SLC22A2: variants seen among roughly 807,000 people sequenced by gnomAD.
SLC22A2 encodes solute carrier family 22 member 2, also known as organic cation transporter 2.
In SLC22A2, 46 loss-of-function variants were observed where a neutral mutation model predicts 60.5. The ratio of observed to expected loss-of-function variants is 0.76; its 90% CI spans 0.60 to 0.97. The LOEUF is 0.97. Ranked by LOEUF, SLC22A2 falls within the 50% of genes least tolerant of loss-of-function variation. The pLI is 0.00. For synonymous variants in SLC22A2, 303 were observed against 267.0 expected (o/e 1.13, Z -1.31); for missense variants, 701 against 706.6 (o/e 0.99, Z 0.09).
At chr6:160,247,401 A>C in intron 4 of SLC22A2, 103 bp from the exon 5 acceptor site, 1 of 677,632 alleles carries the variant, frequency 1.5e-6, no homozygotes, top group South Asian at 1.7e-5. Context: ...ATACAGTTGG[A>C]TCTCCAAAGA....
chr6:160,227,414 C>A (rs1214724607), intron 9 of SLC22A2, among the ~76,000 whole-genome samples: 1 of 152,216 alleles, frequency 6.6e-6, no homozygotes, highest in Non-Finnish European at 1.5e-5. Flanking sequence ...CTGGAAGCCC[C>A]TGCTTTGTGT....
At chr6:160,250,442 AT>A in intron 3 of SLC22A2, 105 bp downstream of exon 3, 1 of 1,015,578 alleles carries the variant, frequency 9.8e-7, no homozygotes, top group Non-Finnish European at 1.6e-6. Flanking sequence ...ATCTCTCAAT[AT>A]TGTCTTGAAG....
chr6:160,218,917 A>C (rs1274995575), intron 10 of SLC22A2, among the ~76,000 whole-genome samples: 1 of 152,078 alleles, frequency 6.6e-6, no homozygotes, highest in Middle Eastern at 3.2e-3. Context: ...CAATAACAGC[A>C]GCAGCAGCAA....
At position 160,249,354 on chromosome 6, in the gene SLC22A2, C is replaced by T; in HGVS notation, c.704G>A (p.Arg235Lys). ...AACTTGGTAAAAAATCCCCACTGTT[C>T]TCCGATATCTCCGCCCAACAAATTC... The part of the protein sequence containing the change: ...ITEFVGRRYR[R>K]TVGIFYQVAY... The change falls in exon 4 of 11, where the codon AGA becomes AAA. Residue 235 changes from arginine (R) to lysine (K), a missense_variant. Arg to Lys is a conservative substitution (Grantham distance 26). Transcript: ENST00000366953. 6.2e-7 allele frequency: 1 copy of T among 1,613,608 alleles called. No individual in the cohort carries two copies. The highest frequency in any genetic ancestry group is 1.1e-5 in the South Asian group (1 of 90,958).
chr6:160,255,761 C>A (rs1375952694), intron 2 of SLC22A2, among the ~76,000 whole-genome samples: 1 of 152,126 alleles, frequency 6.6e-6, no homozygotes, highest in African/African-American at 2.4e-5. Flanking sequence ...AAATAATTAG[C>A]CCTGACGGCC....
Position 160,243,691 on chromosome 6 carries a change from T to A in SLC22A2, c.1160A>T (p.Glu387Val). The A allele has an allele frequency of 6.2e-7, 1 of 1,614,012 alleles. No homozygotes were observed. Among genetic ancestry groups the A allele is most frequent in the African/African-American group, 1.3e-5 (1 of 75,022 alleles). Reference sequence around the variant, plus strand: ...GATGATCATGAAGGCAGCTGGGAATTCAACCAGGGCAGAGTAGAAGAAATC... The same window carrying A: ...GATGATCATGAAGGCAGCTGGGAATACAACCAGGGCAGAGTAGAAGAAATC... ...YLDFFYSALV[E>V]FPAAFMIILT... is the part of the protein sequence containing the mutation. Residue 387 changes from glutamate to valine, a missense_variant, in exon 7 of 11, where the codon GAA (glutamate) becomes GTA (valine). By Grantham distance (121) the Glu-to-Val change is moderately radical (BLOSUM62 -2). Coordinates refer to ENST00000366953, the MANE Select transcript of SLC22A2 (RefSeq NM_003058.4).
chr6:160,245,591 T>C, intron 5 of SLC22A2, 46 bp from the exon 6 acceptor site: 1 of 1,218,432 alleles, frequency 8.2e-7, no homozygotes, highest in Non-Finnish European at 1.2e-6. Context: ...TTAATGCTAG[T>C]GTCCCTGGGT....
rs777224649 is a variant in SLC22A2, at chr6:160,247,239, C to T, written c.902G>A (p.Arg301Lys). The change falls in exon 5 of 11, where the codon AGA becomes AAA. Residue 301 changes from arginine (R) to lysine (K), a missense_variant. Coordinates refer to ENST00000366953, the MANE Select transcript of SLC22A2 (RefSeq NM_003058.4). ...TTTCTTTGCGATGTGCTTAATGATT[C>T]TCATGGCTTCAGCATTCTTATTCTG... ...ISQNKNAEAM[R>K]IIKHIAKKNG... 3.1e-6 allele frequency: 5 copies of T among 1,613,854 alleles called. No homozygotes were observed. In the South Asian group the frequency reaches 5.5e-5, roughly 18 times the overall value.
At chr6:160,227,783 A>G (rs1383669291) in intron 9 of SLC22A2, among the ~76,000 whole-genome samples, 1 of 152,194 alleles carries the variant, frequency 6.6e-6, no homozygotes, top group Non-Finnish European at 1.5e-5. Flanking sequence ...ATGAGATAGG[A>G]GGTCAGCACA....
rs1170259276 is a variant in SLC22A2 at position 160,230,252 on chromosome 6, A to C, written c.1502-5448T>G. Among the ~76,000 whole-genome samples, 8 of 151,998 alleles carry C rather than the reference A, an allele frequency of 5.3e-5. 1 individual carries two copies. In the South Asian group the frequency reaches 1.7e-3, roughly 31 times the overall value. ...GGTCTGGTTTACAGTTTCGTTCCAC[A>C]ACTAGCCCTCCCCCACCTGCCCAGC... On this transcript the variant is annotated intron_variant, in intron 9 of 10. Transcript: ENST00000366953.
rs756083599 is a variant in SLC22A2 at position 160,243,733 on chromosome 6, C to T, written c.1118G>A (p.Gly373Asp). The T allele has an allele frequency of 1.7e-5, 28 of 1,613,910 alleles. No homozygotes were observed. Among genetic ancestry groups the T allele is most frequent in the Non-Finnish European group, 2.3e-5 (27 of 1,179,966 alleles). Residue 373 changes from glycine to aspartate, a missense_variant, in exon 7 of 11, where the codon GGT (glycine) becomes GAT (aspartate). By Grantham distance (94) the Gly-to-Asp change is moderately conservative. Coordinates refer to ENST00000366953, the MANE Select transcript of SLC22A2 (RefSeq NM_003058.4). ...GAAGAAATCCAGGTAGATATTGTCA[C>T]CTGCAAGGCCCATGTGCATGATGAG... ...QGLIMHMGLA[G>D]DNIYLDFFYS...
chr6:160,258,576 A>G lies in SLC22A2; in HGVS notation c.182T>C (p.Leu61Pro). Residue 61 changes from leucine to proline, a missense_variant, in exon 1 of 11, where the codon CTG becomes CCG. Transcript: ENST00000366953. ...CRSPGVAELSLRCGWSPAEEL... is the reference protein window; with the variant it reads ...CRSPGVAELSPRCGWSPAEEL... ...CTCTGCAGGACTCCAGCCGCAGCGC[A>G]GACTCAGCTCGGCCACTCCGGGGCT... 6.2e-7 allele frequency: 1 copy of G among 1,613,904 alleles called. No individual in the cohort carries two copies. Among genetic ancestry groups the G allele is most frequent in the Non-Finnish European group, 8.5e-7 (1 of 1,179,894 alleles).
intron 2 of SLC22A2, among the ~76,000 whole-genome samples, chr6:160,252,330 A>G (rs1355072026): frequency 6.6e-6 from 1 of 152,254 alleles, no homozygotes; most frequent in Non-Finnish European, 1.5e-5. Context: ...GTAGTGCCCC[A>G]TGTAGATGGA....
At chr6:160,225,633 A>T (rs1300355957) in intron 9 of SLC22A2, among the ~76,000 whole-genome samples, 1 of 152,240 alleles carries the variant, frequency 6.6e-6, no homozygotes, top group Non-Finnish European at 1.5e-5. Context: ...TGCTCCAGAC[A>T]TTCCTATATA....
intron 2 of SLC22A2, among the ~76,000 whole-genome samples, chr6:160,251,835 A>G (rs1438657298): frequency 6.6e-6 from 1 of 152,226 alleles, no homozygotes; most frequent in African/African-American, 2.4e-5. Flanking sequence ...AATAATCCAC[A>G]TTATTAATAA....
In SLC22A2 at chr6:160,250,548, T is replaced by C; in HGVS notation, c.673A>G (p.Ile225Val). ...CAGTTGCAAGCACAAACATTCTTAC[T>C]CAGGATGTAGCCTATTAACCAGCCT... is the stretch of plus-strand genomic sequence containing the variant. ...KAGWLIGYIL[I>V]TEFVGRRYRR... The change falls in exon 3 of 11, where the codon ATT (isoleucine) becomes GTT (valine). Residue 225 changes from isoleucine (I) to valine (V), a missense_variant and splice_region_variant. Physicochemically the swap from Ile to Val is conservative, Grantham distance 29. Coordinates refer to ENST00000366953, the MANE Select transcript of SLC22A2 (RefSeq NM_003058.4). 1 of 1,614,014 alleles carries C rather than the reference T, an allele frequency of 6.2e-7. No individual in the cohort carries two copies. The highest frequency in any genetic ancestry group is 8.5e-7 in the Non-Finnish European group (1 of 1,179,910).
At chr6:160,250,433 T>A in intron 3 of SLC22A2, 115 bp downstream of exon 3, 1 of 926,392 alleles carries the variant, frequency 1.1e-6, no homozygotes. Flanking sequence ...AATAAAAAAA[T>A]CTCTCAATAT....
At position 160,258,694 on chromosome 6, in the gene SLC22A2, T is replaced by C; in HGVS notation, c.64A>G (p.Met22Val). 1 of 1,604,906 alleles carries C rather than the reference T, an allele frequency of 6.2e-7. No individual in the cohort carries two copies. The highest frequency in any genetic ancestry group is 8.5e-7 in the Non-Finnish European group (1 of 1,175,066). The change falls in exon 1 of 11, where the codon ATG becomes GTG. Residue 22 changes from methionine to valine, a missense_variant. Coordinates refer to ENST00000366953, the MANE Select transcript of SLC22A2 (RefSeq NM_003058.4). ...GAGAGCAGAGCCAAGAGGAAAAACATTTGCTTCTGGAAAAAGTGAAACTCC... is the reference window on the plus strand; with the variant it reads ...GAGAGCAGAGCCAAGAGGAAAAACACTTGCTTCTGGAAAAAGTGAAACTCC... ...GGEFHFFQKQ[M>V]FFLLALLSAT...
At chr6:160,244,446 G>A (rs1783060016) in intron 6 of SLC22A2, 1 of 152,094 alleles carries the variant, frequency 6.6e-6, no homozygotes, top group Non-Finnish European at 1.5e-5. Flanking sequence ...CTCTCTTTGG[G>A]GTATTCTAGT....
Sources: allele counts gnomAD v4.1 joint callset (sites outside exome capture counted in the v4.1 genomes callset), GRCh38; gene constraint gnomAD v4.1.1; transcripts MANE v1.5; gene names NCBI Gene and HGNC (gene_info 2026-07-23, HGNC 2026-07-21).